Variants in LRRIQ3 observed in about 807,000 individuals in gnomAD.
LRRIQ3 encodes the protein leucine rich repeats and IQ motif containing 3, also known as leucine-rich repeat and IQ domain-containing protein 3.
In LRRIQ3, 75 loss-of-function variants were observed where a neutral mutation model predicts 59.3. The observed-to-expected ratio is 1.26, with a 90% CI of 1.05 to 1.53. The LOEUF is 1.53. Among genes scored for constraint, LRRIQ3 ranks in the 40% most tolerant of loss-of-function variants. The pLI is 0.00. For missense variants in LRRIQ3, 831 were observed against 710.0 expected (o/e 1.17, Z -1.94); for synonymous variants, 250 against 231.3 (o/e 1.08, Z -0.73).
intron 3 of LRRIQ3, chr1:74,180,826 T>C (rs1649933010): frequency 6.5e-7 from 1 of 1,545,244 alleles, no homozygotes; most frequent in Admixed American, 2.0e-5. Flanking sequence ...GAGGAATAAA[T>C]ATTCTTCAAA....
intron 6 of LRRIQ3, among the ~76,000 whole-genome samples, chr1:74,063,961 A>G (rs1259975281): frequency 6.6e-6 from 1 of 151,574 alleles, no homozygotes; most frequent in Non-Finnish European, 1.5e-5. Context: ...TTTATTTTTG[A>G]GCCATATTCT....
At position 74,182,559 on chromosome 1, in the gene LRRIQ3, A is replaced by G. The variant is rs779608839; in HGVS notation, c.552T>C (p.Asn184=). 1.3e-6 allele frequency: 2 copies of G among 1,562,764 alleles called. No homozygotes were observed. The highest frequency in any genetic ancestry group is 1.7e-6 in the Non-Finnish European group (2 of 1,155,684). ...FKACNHRLFF[N]FCPALRKGTT... ...TTACCTTTCTCAAAGCTGGGCAGAAATTAAAGAAAAGTCGATGGTTACATG... is the reference window on the plus strand; with the variant it reads ...TTACCTTTCTCAAAGCTGGGCAGAAGTTAAAGAAAAGTCGATGGTTACATG... Residue 184 remains asparagine, a synonymous_variant, in exon 3 of 8, where the codon AAT becomes AAC. Transcript: ENST00000354431.
chr1:74,037,915 A>G (rs1353732405), intron 7 of LRRIQ3, among the ~76,000 whole-genome samples: 1 of 152,148 alleles, frequency 6.6e-6, no homozygotes, highest in East Asian at 1.9e-4. Context: ...GATTCTCAAC[A>G]GCCACTCAAC....
chr1:74,155,586 T>C, intron 4 of LRRIQ3, 147 bp downstream of exon 4: 1 of 549,292 alleles, frequency 1.8e-6, no homozygotes, highest in East Asian at 3.6e-5. Context: ...GAGTCTGTGG[T>C]ATTTTTCTTA....
intron 4 of LRRIQ3, among the ~76,000 whole-genome samples, chr1:74,130,292 G>A (rs550648688): frequency 6.6e-5 from 10 of 152,100 alleles, no homozygotes; most frequent in Non-Finnish European, 1.0e-4. Flanking sequence ...CCACTGGGAT[G>A]AGCAACTTCC....
chr1:74,069,183 T>C (rs1235727964), intron 6 of LRRIQ3, among the ~76,000 whole-genome samples: 1 of 152,048 alleles, frequency 6.6e-6, no homozygotes, highest in Admixed American at 6.6e-5. Context: ...GGAAAGTATT[T>C]GAATTTACTT....
At chr1:74,183,727 CA>C in intron 1 of LRRIQ3, 43 bp from the exon 2 acceptor site, 2 of 1,388,148 alleles carry the variant, frequency 1.4e-6, no homozygotes, top group Non-Finnish European at 1.9e-6. Context: ...TTTCCACTTT[CA>C]AAAATTTACC....
intron 3 of LRRIQ3, among the ~76,000 whole-genome samples, chr1:74,177,740 C>A (rs1391051908): frequency 6.6e-6 from 1 of 151,646 alleles, no homozygotes; most frequent in African/African-American, 2.4e-5. Flanking sequence ...ACAGATCATA[C>A]AATTTAATTA....
At chr1:74,064,184 A>G (rs1391175637) in intron 6 of LRRIQ3, among the ~76,000 whole-genome samples, 1 of 151,896 alleles carries the variant, frequency 6.6e-6, no homozygotes, top group Non-Finnish European at 1.5e-5. Flanking sequence ...TAGAAAGTTG[A>G]TGAAAAGTGG....
At chr1:74,027,549 T>C (rs559235893) in intron 7 of LRRIQ3, among the ~76,000 whole-genome samples, 10 of 152,118 alleles carry the variant, frequency 6.6e-5, no homozygotes, top group South Asian at 6.2e-4. Context: ...GAGGGCTCAA[T>C]AGAAACCACA....
chr1:74,104,227 G>T (rs1310216554), intron 5 of LRRIQ3, among the ~76,000 whole-genome samples: 1 of 151,970 alleles, frequency 6.6e-6, no homozygotes, highest in African/African-American at 2.4e-5. Context: ...AAAAGCTGAT[G>T]AGGTCTTGTG....
At chr1:74,195,339 T>C (rs1211355453) in intron 1 of LRRIQ3, among the ~76,000 whole-genome samples, 1 of 152,140 alleles carries the variant, frequency 6.6e-6, no homozygotes, top group Non-Finnish European at 1.5e-5. Flanking sequence ...CTCCACAGTA[T>C]ATAATCCAGG....
intron 6 of LRRIQ3, among the ~76,000 whole-genome samples, chr1:74,054,019 A>G (rs1044395658): frequency 4.6e-5 from 7 of 152,198 alleles, no homozygotes; most frequent in Non-Finnish European, 8.8e-5. Flanking sequence ...GGTACCCATC[A>G]AAATGAATTG....
intron 6 of LRRIQ3, among the ~76,000 whole-genome samples, chr1:74,055,266 A>C (rs1456006939): frequency 6.6e-6 from 1 of 150,786 alleles, no homozygotes; most frequent in Non-Finnish European, 1.5e-5. Context: ...ACTTTGTCAC[A>C]GAATAATGCA....
intron 4 of LRRIQ3, among the ~76,000 whole-genome samples, chr1:74,119,982 A>G (rs780492874): frequency 2.6e-5 from 4 of 152,186 alleles, no homozygotes; most frequent in Non-Finnish European, 5.9e-5. Context: ...CTTATGTTTA[A>G]ACATAAACTT....
chr1:74,186,108 C>T (rs1282226879), intron 1 of LRRIQ3, among the ~76,000 whole-genome samples: 1 of 149,404 alleles, frequency 6.7e-6, no homozygotes, highest in East Asian at 1.9e-4. Flanking sequence ...ATTTTTATTT[C>T]AAAGGATTTA....
chr1:74,152,189 A>G (rs918387687), intron 4 of LRRIQ3, among the ~76,000 whole-genome samples: 1 of 152,048 alleles, frequency 6.6e-6, no homozygotes. Context: ...ATGAGAAAAA[A>G]ATCAGTATTT....
chr1:74,074,581 C>T, intron 6 of LRRIQ3, 80 bp downstream of exon 6: 1 of 618,320 alleles, frequency 1.6e-6, no homozygotes, highest in Non-Finnish European at 2.4e-6. Context: ...TGCAAATCAA[C>T]ATGCCCAATT....
chr1:74,112,472 C>T (rs1446459061), intron 4 of LRRIQ3, among the ~76,000 whole-genome samples: 1 of 152,100 alleles, frequency 6.6e-6, no homozygotes, highest in Admixed American at 6.6e-5. Context: ...GAGCAAACAG[C>T]AAAAACTGGC....
Sources: gnomAD v4.1 joint callset for allele counts (sites outside exome capture counted in the v4.1 genomes callset) on GRCh38, gnomAD v4.1.1 for gene constraint, MANE v1.5 for transcripts, NCBI Gene and HGNC (gene_info 2026-07-23, HGNC 2026-07-21) for gene names.